Variants in MCC observed in about 807,000 individuals in gnomAD.
The protein encoded by MCC is MCC regulator of Wnt signaling pathway, also known as colorectal mutant cancer protein.
In MCC, 90 loss-of-function variants were observed where a neutral mutation model predicts 116.2. The observed-to-expected ratio is 0.77, with a 90% confidence interval of 0.65 to 0.92. MCC has a LOEUF of 0.92. MCC is among the 40% of genes least tolerant of loss of function. The pLI, the probability that MCC is intolerant of heterozygous loss-of-function variation, is 0.00. For synonymous variants in MCC, 578 were observed against 510.5 expected, an observed-to-expected ratio of 1.13 and a Z score of -1.78; for missense variants, 1,516 against 1,312.2, an observed-to-expected ratio of 1.16 and a Z score of -2.40.
chr5:113,397,671 C>T (rs1277557608), intron 1 of MCC, among the ~76,000 whole-genome samples: 2 of 152,022 alleles, frequency 1.3e-5, no homozygotes, highest in African/African-American at 4.8e-5. Flanking sequence ...TACTTATCAC[C>T]ATATACAAAA....
At chr5:113,132,437 TATATATACACAC>T (rs1344875253) in intron 5 of MCC, among the ~76,000 whole-genome samples, 1 of 75,598 alleles carries the variant, frequency 1.3e-5, no homozygotes, top group Non-Finnish European at 2.9e-5. Flanking sequence ...CATATATATA[TATATATACACAC>T]ACACACACAC....
Position 113,075,501 on chromosome 5 carries a change from G to C in MCC, c.1785-4267C>G, listed in dbSNP as rs540879371. Among the ~76,000 whole-genome samples the C allele has an allele frequency of 2.0e-5, 3 of 152,354 alleles. No homozygotes were observed. In the East Asian group the frequency reaches 5.8e-4, roughly 29 times the overall value. Reference sequence around the variant, plus strand: ...ACTAGGTGAAGCCAGCTGGGCTCTTGAGTCGGGTGGGGTCTTGGAGAACTT... The same window carrying C: ...ACTAGGTGAAGCCAGCTGGGCTCTTCAGTCGGGTGGGGTCTTGGAGAACTT... On this transcript the variant is annotated intron_variant, in intron 11 of 18. Coordinates refer to ENST00000408903, the MANE Select transcript of MCC (RefSeq NM_001085377.2).
intron 1 of MCC, among the ~76,000 whole-genome samples, chr5:113,416,969 C>CTTTTT (rs148628081): frequency 1.6e-5 from 2 of 122,524 alleles, no homozygotes; most frequent in African/African-American, 6.2e-5. Context: ...TGTGAATTGC[C>CTTTTT]TTTTTTTTTT....
intron 6 of MCC, among the ~76,000 whole-genome samples, chr5:113,117,423 C>T (rs1757457476): frequency 1.3e-5 from 2 of 152,248 alleles, no homozygotes; most frequent in South Asian, 4.1e-4. Flanking sequence ...GTATTCTATG[C>T]ATAGGACACC....
Position 113,333,793 on chromosome 5 carries a change from A to ATATATG in MCC, c.627+6725_627+6726insCATATA, listed in dbSNP as rs1554076853. Reference sequence around the variant, plus strand: ...ATGTCTTTGCTTCATATATATTTATATATATATGTATATATGTATATATGT... The same window carrying ATATATG: ...ATGTCTTTGCTTCATATATATTTATATATATGTATATATGTATATATGTATATATGT... On this transcript the variant is annotated intron_variant, in intron 3 of 18. Transcript: ENST00000408903. Among the ~76,000 whole-genome samples, 61 of 54,800 alleles carry ATATATG rather than the reference A, an allele frequency of 1.1e-3. 3 individuals are homozygous for ATATATG. Among genetic ancestry groups the ATATATG allele is most frequent in the African/African-American group, 2.9e-3 (43 of 14,908 alleles). 36.0% of individuals were successfully genotyped at this position (54,800 alleles called of 152,430 possible). A position where few individuals can be genotyped will look rare whatever the true frequency, so the allele number is the denominator to read the frequency against.
rs79900604 is a variant in MCC at position 113,169,768 on chromosome 5, G to A, written c.628-18346C>T. On this transcript the variant is annotated intron_variant, in intron 3 of 18. Transcript: ENST00000408903. ...AAAAAACAGAAAGCTCTGCAATCAG[G>A]CACTCTGTGTGAGTGTTTGTAGTCA... 2.5e-4 allele frequency among the ~76,000 whole-genome samples: 38 copies of A among 152,280 alleles called. No homozygotes were observed. The East Asian group carries it at 6.9e-3, about 28-fold the overall frequency.
chr5:113,102,828 G>A (rs1756503001), intron 7 of MCC, among the ~76,000 whole-genome samples: 1 of 151,402 alleles, frequency 6.6e-6, no homozygotes, highest in Admixed American at 6.6e-5. Flanking sequence ...ATAAGAAACA[G>A]AAGACTGGCC....
chr5:113,068,565 G>C (rs1337243762), intron 12 of MCC, among the ~76,000 whole-genome samples: 1 of 152,160 alleles, frequency 6.6e-6, no homozygotes, highest in East Asian at 1.9e-4. Context: ...ACTGTACCAG[G>C]GTTGGTCTGT....
intron 1 of MCC, among the ~76,000 whole-genome samples, chr5:113,469,901 T>A (rs1215184661): frequency 6.6e-6 from 1 of 152,200 alleles, no homozygotes; most frequent in Non-Finnish European, 1.5e-5. Flanking sequence ...GATAGTTAGC[T>A]CTTCTTGTTG....
chr5:113,130,988 C>A (rs1231816153), intron 5 of MCC, among the ~76,000 whole-genome samples: 3 of 152,166 alleles, frequency 2.0e-5, no homozygotes, highest in Non-Finnish European at 2.9e-5. Context: ...AATACCATCA[C>A]AATAGGGGCT....
At chr5:113,103,071 G>T (rs1756523777) in intron 7 of MCC, among the ~76,000 whole-genome samples, 1 of 152,080 alleles carries the variant, frequency 6.6e-6, no homozygotes, top group African/African-American at 2.4e-5. Flanking sequence ...CTGAGATCAT[G>T]CCACTGCACT....
rs186626988 is a variant in MCC, at chr5:113,055,328, C to G, written c.2214-1369G>C. On this transcript the variant is annotated intron_variant, in intron 14 of 18. Coordinates refer to ENST00000408903, the MANE Select transcript of MCC (RefSeq NM_001085377.2). The stretch of plus-strand genomic sequence containing the variant: ...AAACCCAGGCCTGCCCTCCTCATCT[C>G]ACACTGCAAAAGGGTAAGAGCCAGG... Among the ~76,000 whole-genome samples the G allele has an allele frequency of 3.9e-5, 6 of 152,326 alleles. No homozygotes were observed. In the East Asian group the frequency reaches 9.6e-4, roughly 24 times the overall value.
chr5:113,172,623 A>G (rs1761132467), intron 3 of MCC, among the ~76,000 whole-genome samples: 1 of 152,240 alleles, frequency 6.6e-6, no homozygotes, highest in Non-Finnish European at 1.5e-5. Context: ...CCATCTGTCC[A>G]TCTTAACACA....
At chr5:113,312,529 G>A (rs551024447) in intron 3 of MCC, among the ~76,000 whole-genome samples, 11 of 152,228 alleles carry the variant, frequency 7.2e-5, no homozygotes, top group African/African-American at 2.6e-4. Context: ...CAGATGCTGA[G>A]TTACTTAGAA....
At chr5:113,270,999 T>C (rs1161371039) in intron 3 of MCC, among the ~76,000 whole-genome samples, 1 of 152,160 alleles carries the variant, frequency 6.6e-6, no homozygotes, top group African/African-American at 2.4e-5. Flanking sequence ...TAAAAATATT[T>C]GCTTCATTTT....
chr5:113,300,144 C>G (rs567184476), intron 3 of MCC, among the ~76,000 whole-genome samples: 1 of 152,294 alleles, frequency 6.6e-6, no homozygotes, highest in African/African-American at 2.4e-5. Flanking sequence ...TGGGTCTGGT[C>G]TGTACCCTCT....
At chr5:113,255,583 T>C (rs1466184298) in intron 3 of MCC, among the ~76,000 whole-genome samples, 1 of 152,216 alleles carries the variant, frequency 6.6e-6, no homozygotes, top group Non-Finnish European at 1.5e-5. Context: ...GAGAAAGATC[T>C]AACTAATATA....
chr5:113,400,818 T>A (rs890786827), intron 1 of MCC, among the ~76,000 whole-genome samples: 1 of 152,210 alleles, frequency 6.6e-6, no homozygotes, highest in African/African-American at 2.4e-5. Context: ...ACCTTTTTGT[T>A]AATCTCAGTG....
chr5:113,345,351 T>C (rs6896650), intron 2 of MCC, among the ~76,000 whole-genome samples: 64,589 of 151,710 alleles, frequency 0.43, 15,043 homozygotes, highest in African/African-American at 0.61. Flanking sequence ...GCCCTGCAGG[T>C]GAGCACATAA....
Sources: allele counts gnomAD v4.1 joint callset (sites outside exome capture counted in the v4.1 genomes callset), GRCh38; gene constraint gnomAD v4.1.1; transcripts MANE v1.5; gene names NCBI Gene and HGNC (gene_info 2026-07-23, HGNC 2026-07-21).